CTNNA3: variants seen among roughly 807,000 people sequenced by gnomAD.
The protein encoded by CTNNA3 is catenin alpha 3, also known as catenin alpha-3.
In CTNNA3, 76 loss-of-function variants were observed where a neutral mutation model predicts 95.7. That is an observed-to-expected ratio of 0.79 (90% confidence interval 0.66 to 0.96). The LOEUF is 0.96. Among genes scored for constraint, CTNNA3 ranks in the 40% least tolerant of loss-of-function variants. CTNNA3 has a pLI of 0.00. For synonymous variants in CTNNA3, 431 were observed against 374.4 expected, an observed-to-expected ratio of 1.15 and a Z score of -1.74; for missense variants, 1,191 against 1,089.8, an observed-to-expected ratio of 1.09 and a Z score of -1.31.
intron 12 of CTNNA3, among the ~76,000 whole-genome samples, chr10:66,364,666 G>A (rs1283874746): frequency 1.3e-5 from 2 of 152,086 alleles, no homozygotes; most frequent in Admixed American, 6.6e-5. Flanking sequence ...GTAAAATAAT[G>A]TACAGAGGAA....
Position 67,501,429 on chromosome 10 carries a change from T to C in CTNNA3, c.579+20413A>G, listed in dbSNP as rs190573364. ...TTCATTTCAACCACGATGAATCTGATGATTATGTGTCTTGGGGTTGCTTTT... is the reference window on the plus strand; with the variant it reads ...TTCATTTCAACCACGATGAATCTGACGATTATGTGTCTTGGGGTTGCTTTT... On this transcript the variant is annotated intron_variant, in intron 5 of 17. Coordinates refer to ENST00000433211, the MANE Select transcript of CTNNA3 (RefSeq NM_013266.4). 9.9e-5 allele frequency among the ~76,000 whole-genome samples: 15 copies of C among 152,250 alleles called. No homozygotes were observed. In the East Asian group the frequency reaches 2.7e-3, roughly 27 times the overall value.
chr10:66,998,831 C>T (rs1170108348), intron 7 of CTNNA3, among the ~76,000 whole-genome samples: 1 of 151,968 alleles, frequency 6.6e-6, no homozygotes, highest in Non-Finnish European at 1.5e-5. Flanking sequence ...GTGGGAGATA[C>T]AAATAATGCA....
intron 15 of CTNNA3, among the ~76,000 whole-genome samples, chr10:66,023,186 T>C (rs1203444230): frequency 1.3e-5 from 2 of 152,206 alleles, no homozygotes; most frequent in African/African-American, 2.4e-5. Context: ...CTATTTTCCA[T>C]GTTTGCTTAA....
At chr10:67,665,349 G>A in intron 1 of CTNNA3, among the ~76,000 whole-genome samples, 1 of 152,150 alleles carries the variant, frequency 6.6e-6, no homozygotes, top group East Asian at 1.9e-4. Context: ...CTAGAGTTTA[G>A]TGTTACTAAA....
At chr10:66,925,709 G>A (rs914928824) in intron 7 of CTNNA3, among the ~76,000 whole-genome samples, 1 of 152,158 alleles carries the variant, frequency 6.6e-6, no homozygotes. Context: ...CCTGCGTTGA[G>A]GTTAAGAAAA....
chr10:66,977,418 G>A (rs966752249), intron 7 of CTNNA3, among the ~76,000 whole-genome samples: 1 of 129,790 alleles, frequency 7.7e-6, no homozygotes, highest in Non-Finnish European at 1.6e-5. Flanking sequence ...CCTGGCGATA[G>A]AGTGAAACTC....
At chr10:66,399,851 C>T (rs947598621) in intron 11 of CTNNA3, among the ~76,000 whole-genome samples, 2 of 151,682 alleles carry the variant, frequency 1.3e-5, no homozygotes, top group Non-Finnish European at 2.9e-5. Flanking sequence ...AGAATATATC[C>T]CCTGATATGG....
At chr10:66,240,741 GAA>G (rs1345161561) in intron 13 of CTNNA3, among the ~76,000 whole-genome samples, 1 of 151,930 alleles carries the variant, frequency 6.6e-6, no homozygotes, top group Non-Finnish European at 1.5e-5. Flanking sequence ...TGATAACAAA[GAA>G]GAGAGACATC....
chr10:67,551,798 G>A (rs2133230191), intron 3 of CTNNA3, among the ~76,000 whole-genome samples: 1 of 152,308 alleles, frequency 6.6e-6, no homozygotes, highest in East Asian at 1.9e-4. Context: ...TATTTTAGGG[G>A]TTCAACTGTC....
intron 15 of CTNNA3, among the ~76,000 whole-genome samples, chr10:66,007,016 G>GC (rs1174035838): frequency 2.0e-5 from 3 of 151,938 alleles, no homozygotes; most frequent in Admixed American, 1.3e-4. Flanking sequence ...TCTTTGGCAT[G>GC]CCCCCCGCAC....
chr10:66,264,077 A>T (rs1425994213), intron 13 of CTNNA3, among the ~76,000 whole-genome samples: 2 of 151,974 alleles, frequency 1.3e-5, no homozygotes, highest in Non-Finnish European at 2.9e-5. Flanking sequence ...TCCTAAGAAA[A>T]AAACAATTCC....
chr10:66,650,382 C>T (rs1263490736), intron 9 of CTNNA3, among the ~76,000 whole-genome samples: 1 of 152,102 alleles, frequency 6.6e-6, no homozygotes, highest in Admixed American at 6.5e-5. Flanking sequence ...AAAAACTTCA[C>T]AAATATATGA....
intron 4 of CTNNA3, among the ~76,000 whole-genome samples, chr10:67,538,205 T>C (rs1396066912): frequency 1.8e-5 from 2 of 113,042 alleles, no homozygotes; most frequent in Non-Finnish European, 3.9e-5. Context: ...GTTTTTACAG[T>C]AATAAAACTA....
chr10:66,561,419 G>C (rs535206677), intron 10 of CTNNA3, among the ~76,000 whole-genome samples: 2 of 152,034 alleles, frequency 1.3e-5, no homozygotes, highest in African/African-American at 4.8e-5. Flanking sequence ...CTTAATTAAT[G>C]CTCACAGGAA....
intron 7 of CTNNA3, 132 bp downstream of exon 7, chr10:67,180,185 A>G (rs955115460): frequency 2.6e-6 from 2 of 781,442 alleles, no homozygotes; most frequent in African/African-American, 3.4e-5. Context: ...GAACTCACTT[A>G]GAAAATCAAC....
intron 7 of CTNNA3, among the ~76,000 whole-genome samples, chr10:66,975,503 C>T (rs553444411): frequency 5.3e-5 from 8 of 152,224 alleles, no homozygotes; most frequent in East Asian, 3.9e-4. Context: ...GGAAAAGCTT[C>T]GCAACTATTT....
At chr10:67,449,485 C>T (rs946626518) in intron 5 of CTNNA3, among the ~76,000 whole-genome samples, 3 of 150,466 alleles carry the variant, frequency 2.0e-5, no homozygotes, top group African/African-American at 7.3e-5. Context: ...AAAAGAGGCA[C>T]CTAGCCCAGA....
At chr10:66,397,313 T>C (rs2092986303) in intron 11 of CTNNA3, among the ~76,000 whole-genome samples, 1 of 151,746 alleles carries the variant, frequency 6.6e-6, no homozygotes, top group Non-Finnish European at 1.5e-5. Flanking sequence ...AGCTAAGGCT[T>C]AGGGAACTAA....
chr10:66,489,252 AAGC>A (rs1334737174), intron 11 of CTNNA3, among the ~76,000 whole-genome samples: 2 of 152,144 alleles, frequency 1.3e-5, no homozygotes, highest in Admixed American at 1.3e-4. Flanking sequence ...GACAGAGTAA[AAGC>A]AGCTGTCAAT....
Sources: gnomAD v4.1 joint callset for allele counts (sites outside exome capture counted in the v4.1 genomes callset) on GRCh38, gnomAD v4.1.1 for gene constraint, MANE v1.5 for transcripts, NCBI Gene and HGNC (gene_info 2026-07-23, HGNC 2026-07-21) for gene names.